Variants in TMEM201 observed in about 807,000 individuals in gnomAD.
TMEM201 encodes transmembrane protein 201.
A neutral mutation model predicts 63.4 loss-of-function variants in TMEM201; 26 were observed. That is an observed-to-expected ratio of 0.41 (90% CI 0.30 to 0.57). The LOEUF (loss-of-function observed/expected upper bound fraction) is 0.57. Among genes scored for constraint, TMEM201 ranks in the 20% least tolerant of loss-of-function variants. The pLI is 0.29. For missense variants in TMEM201, 794 were observed against 917.7 expected (o/e 0.87, Z 1.74); for synonymous variants, 417 against 421.6 (o/e 0.99, Z 0.14).
intron 1 of TMEM201, among the ~76,000 whole-genome samples, chr1:9,592,108 G>A (rs761076844): frequency 4.6e-5 from 7 of 152,234 alleles, no homozygotes; most frequent in Admixed American, 1.3e-4. Context: ...TTGCTGCTGT[G>A]GATTCAAGTA....
chr1:9,599,566 G>A (rs1644095940), intron 4 of TMEM201, among the ~76,000 whole-genome samples: 1 of 151,282 alleles, frequency 6.6e-6, no homozygotes. Flanking sequence ...CCAAATAACT[G>A]TTTCCATCAT....
chr1:9,599,180 TCCTCCCACTTTGG>T (rs1395324647), intron 4 of TMEM201, among the ~76,000 whole-genome samples: 2 of 152,144 alleles, frequency 1.3e-5, no homozygotes, highest in Admixed American at 6.5e-5. Flanking sequence ...CCTCAGGTGA[TCCTCCCACTTTGG>T]CCTCCCAAAG....
chr1:9,592,744 A>G (rs1268613472), intron 1 of TMEM201, among the ~76,000 whole-genome samples: 2 of 125,580 alleles, frequency 1.6e-5, no homozygotes, highest in Non-Finnish European at 1.9e-5. Context: ...GGTACAGAGC[A>G]TGCAGCTGCC....
Position 9,596,986 on chromosome 1 carries a change from G to T in TMEM201, c.362G>T (p.Cys121Phe). The change falls in exon 3 of 11, where the codon TGC (cysteine) becomes TTC (phenylalanine). Residue 121 changes from cysteine to phenylalanine, a missense_variant. Transcript: ENST00000340381. Reference protein sequence around the residue: ...QQWVSSQVLLCKRCNHHQTTK... With the variant: ...QQWVSSQVLLFKRCNHHQTTK... ...TGGGTGAGCAGCCAAGTCCTGCTGT[G>T]CAAGAGGTGCAACCACCACCAGACC... 6.2e-7 allele frequency: 1 copy of T among 1,612,976 alleles called. No individual in the cohort carries two copies. Among genetic ancestry groups the T allele is most frequent in the Non-Finnish European group, 8.5e-7 (1 of 1,179,690 alleles).
chr1:9,600,670 G>A (rs1439506515), intron 4 of TMEM201, among the ~76,000 whole-genome samples: 1 of 152,126 alleles, frequency 6.6e-6, no homozygotes, highest in Non-Finnish European at 1.5e-5. Flanking sequence ...TGTAATCCCA[G>A]CACTTTGGGA....
At position 9,596,878 on chromosome 1, in the gene TMEM201, C is replaced by A. The variant is rs773180773; in HGVS notation, c.254C>A (p.Pro85Gln). 2 of 1,593,874 alleles carry A rather than the reference C, an allele frequency of 1.3e-6. No homozygotes were observed. Among genetic ancestry groups the A allele is most frequent in the Non-Finnish European group, 1.7e-6 (2 of 1,164,642 alleles). The stretch of plus-strand genomic sequence containing the variant: ...CCGCAGAACGGCGACTACAACAAGC[C>A]GATCCCCGCCCAGTACTTGGAGCAC... ...GFQENGDYNK[P>Q]IPAQYLEHLN... The change falls in exon 3 of 11, where the codon CCG (proline) becomes CAG (glutamine). Residue 85 changes from proline to glutamine, a missense_variant. Physicochemically the swap from Pro to Gln is moderately conservative, Grantham distance 76. Coordinates refer to ENST00000340381, the MANE Select transcript of TMEM201 (RefSeq NM_001130924.3).
chr1:9,589,588 G>A (rs1643886542), intron 1 of TMEM201, among the ~76,000 whole-genome samples: 1 of 152,282 alleles, frequency 6.6e-6, no homozygotes, highest in Non-Finnish European at 1.5e-5. Context: ...AGGCTGGGCT[G>A]CCTCCCAGAG....
intron 1 of TMEM201, among the ~76,000 whole-genome samples, chr1:9,591,080 G>A (rs1643910848): frequency 6.6e-6 from 1 of 152,216 alleles, no homozygotes; most frequent in African/African-American, 2.4e-5. Context: ...CGCATGGGAA[G>A]GAGGCTGCTT....
In TMEM201 at chr1:9,592,055, C is replaced by T. The variant is rs143056269; in HGVS notation, c.113+3012C>T. Among the ~76,000 whole-genome samples the T allele has an allele frequency of 7.2e-5, 11 of 152,318 alleles. 1 individual carries two copies. Among genetic ancestry groups the T allele is most frequent in the Non-Finnish European group, 1.5e-4 (10 of 68,036 alleles). ...ATGTTCCGCTCGCACCAGGAGCGAC[C>T]CTAGAATGGTGGATTGGGGCGTTTT... On this transcript the variant is annotated intron_variant, in intron 1 of 10. Transcript: ENST00000340381.
In TMEM201 at chr1:9,596,843, C is replaced by T. The variant is rs1282608599; in HGVS notation, c.235-16C>T. ...GGGAGGGCCTGCCTGCCTCGAGTCC[C>T]ACCTCTCTCCCGCAGAACGGCGACT... On this transcript the variant is annotated splice_polypyrimidine_tract_variant and intron_variant, in intron 2 of 10. Transcript: ENST00000340381. The T allele has an allele frequency of 6.4e-7, 1 of 1,571,432 alleles. No individual in the cohort carries two copies. Among genetic ancestry groups the T allele is most frequent in the African/African-American group, 1.3e-5 (1 of 74,332 alleles).
At position 9,605,455 on chromosome 1, in the gene TMEM201, G is replaced by C. The variant is rs1390673340; in HGVS notation, c.1161-2102G>C. ...GTGGTTTGAGGGCACAGGGCAGTCG[G>C]GGGGGGTCTCTCGCCAAAGGAAATG... On this transcript the variant is annotated intron_variant, in intron 6 of 10. Transcript: ENST00000340381. The surrounding 1 kb of genome is among the most constrained non-coding windows in gnomAD (Gnocchi z 5.7). 6.6e-6 allele frequency among the ~76,000 whole-genome samples: 1 copy of C among 152,164 alleles called. No homozygotes were observed. The highest frequency in any genetic ancestry group is 2.4e-5 in the African/African-American group (1 of 41,440).
intron 6 of TMEM201, chr1:9,602,872 C>T (rs1249538139): frequency 1.6e-5 from 16 of 985,554 alleles, no homozygotes; most frequent in Non-Finnish European, 1.9e-5. Flanking sequence ...GTGGTGGAGC[C>T]GTGAAGGAGG....
chr1:9,598,687 A>G lies in TMEM201; in HGVS notation c.606+62A>G. ...TTGAGTTTGTTCAGGAAACCCTCCC[A>G]GGAGGCTGGGCACTAGTGACCAGAG... On this transcript the variant is annotated intron_variant, in intron 4 of 10. Transcript: ENST00000340381. The G allele has an allele frequency of 3.2e-6, 5 of 1,549,716 alleles. No homozygotes were observed. The South Asian group carries it at 4.7e-5, about 15-fold the overall frequency.
chr1:9,602,306 CA>C (rs1557556718), intron 6 of TMEM201, 34 bp downstream of exon 6: 3 of 1,604,480 alleles, frequency 1.9e-6, no homozygotes, highest in Non-Finnish European at 2.6e-6. Context: ...GGGGGGAGGA[CA>C]CACGGATGCT....
chr1:9,597,111 C>A, intron 3 of TMEM201, 58 bp downstream of exon 3: 1 of 1,541,790 alleles, frequency 6.5e-7, no homozygotes. Flanking sequence ...CTTAGAGCAG[C>A]CGGGGGACAG....
At chr1:9,606,557 C>T (rs1331723328) in intron 6 of TMEM201, 4 of 152,250 alleles carry the variant, frequency 2.6e-5, no homozygotes, top group African/African-American at 9.6e-5. Flanking sequence ...CTTAAGCAGC[C>T]CCCGGCTCCT....
chr1:9,591,159 T>C (rs1242146249), intron 1 of TMEM201, among the ~76,000 whole-genome samples: 1 of 152,216 alleles, frequency 6.6e-6, no homozygotes, highest in Non-Finnish European at 1.5e-5. Context: ...CATGGAGTCC[T>C]CTCGCTTCCA....
chr1:9,611,914 G>T, intron 10 of TMEM201, 24 bp downstream of exon 10: 1 of 1,518,904 alleles, frequency 6.6e-7, no homozygotes, highest in South Asian at 1.3e-5. Context: ...GGTGCGGGAG[G>T]GGAGGGGGTG....
chr1:9,592,456 C>T (rs1643936951), intron 1 of TMEM201, among the ~76,000 whole-genome samples: 1 of 152,164 alleles, frequency 6.6e-6, no homozygotes, highest in African/African-American at 2.4e-5. Flanking sequence ...GCTGGCCAGC[C>T]TGCTACAACC....
Sources: gnomAD v4.1 joint callset for allele counts (sites outside exome capture counted in the v4.1 genomes callset) on GRCh38, gnomAD v4.1.1 for gene constraint, Gnocchi (gnomAD v3.1) non-coding constraint, MANE v1.5 for transcripts, NCBI Gene and HGNC (gene_info 2026-07-23, HGNC 2026-07-21) for gene names.